SUCLG2: variants seen among roughly 807,000 people sequenced by gnomAD.
SUCLG2 encodes the protein succinate--CoA ligase [GDP-forming] subunit beta, mitochondrial.
Under a neutral mutation model 47.9 loss-of-function variants are expected in SUCLG2, and 42 were observed. The ratio of observed to expected loss-of-function variants is 0.88; its 90% CI spans 0.69 to 1.14. SUCLG2 has a LOEUF of 1.14. Ranked by LOEUF, SUCLG2 falls within the 50% of genes most tolerant of loss-of-function variation. The pLI is 0.00. For missense variants in SUCLG2, 571 were observed against 525.9 expected, an observed-to-expected ratio of 1.09 and a Z score of -0.84; for synonymous variants, 195 against 197.3, an observed-to-expected ratio of 0.99 and a Z score of 0.10.
chr3:67,506,116 C>G (rs559784713), intron 7 of SUCLG2, among the ~76,000 whole-genome samples: 9 of 152,278 alleles, frequency 5.9e-5, no homozygotes, highest in Admixed American at 2.6e-4. Flanking sequence ...TGTTCTGCTA[C>G]TACTGATCTA....
At chr3:67,502,280 T>C (rs2107079552) in intron 7 of SUCLG2, among the ~76,000 whole-genome samples, 1 of 152,344 alleles carries the variant, frequency 6.6e-6, no homozygotes, top group African/African-American at 2.4e-5. Flanking sequence ...AAAATGTTTG[T>C]TTTTCCCTAT....
At chr3:67,484,352 A>G (rs1228809470) in intron 9 of SUCLG2, among the ~76,000 whole-genome samples, 1 of 152,340 alleles carries the variant, frequency 6.6e-6, no homozygotes, top group East Asian at 1.9e-4. Flanking sequence ...AGGGCAACTC[A>G]TTGACTTATT....
At chr3:67,616,356 G>A (rs920870396) in intron 1 of SUCLG2, among the ~76,000 whole-genome samples, 3 of 152,116 alleles carry the variant, frequency 2.0e-5, no homozygotes, top group Admixed American at 6.5e-5. Flanking sequence ...GCAAGCTGCA[G>A]AACAATACAT....
At chr3:67,450,135 G>A (rs2106934332) in intron 9 of SUCLG2, among the ~76,000 whole-genome samples, 1 of 152,166 alleles carries the variant, frequency 6.6e-6, no homozygotes, top group Middle Eastern at 3.4e-3. Context: ...TTGAACTCCT[G>A]GGCTCAAGCA....
intron 1 of SUCLG2, 46 bp from the exon 2 acceptor site, chr3:67,609,642 G>C (rs1250571182): frequency 6.3e-7 from 1 of 1,581,564 alleles, no homozygotes; most frequent in Non-Finnish European, 8.6e-7. Context: ...TTAATAGCAA[G>C]AAAAATAAAA....
intron 9 of SUCLG2, among the ~76,000 whole-genome samples, chr3:67,475,693 C>T (rs1704730326): frequency 6.6e-6 from 1 of 151,892 alleles, no homozygotes. Context: ...GCTTCCGCTG[C>T]CCCATAATTG....
chr3:67,547,720 C>CGAATCAACTAAATTTTCAT (rs1269424494), intron 2 of SUCLG2, among the ~76,000 whole-genome samples: 1 of 152,138 alleles, frequency 6.6e-6, no homozygotes, highest in African/African-American at 2.4e-5. Flanking sequence ...ACAATTTTCA[C>CGAATCAACTAAATTTTCAT]GAATCAACTA....
chr3:67,407,872 G>A (rs1276589819), intron 9 of SUCLG2, among the ~76,000 whole-genome samples: 1 of 152,036 alleles, frequency 6.6e-6, no homozygotes, highest in African/African-American at 2.4e-5. Context: ...TTATTTTCCT[G>A]ATGAATTCTA....
chr3:67,452,691 C>A (rs1464635320), intron 9 of SUCLG2, among the ~76,000 whole-genome samples: 2 of 152,154 alleles, frequency 1.3e-5, no homozygotes, highest in Non-Finnish European at 2.9e-5. Context: ...TATTGAGCAT[C>A]TAGCAAGTAG....
At chr3:67,643,033 T>C (rs903407100) in intron 1 of SUCLG2, among the ~76,000 whole-genome samples, 4 of 152,098 alleles carry the variant, frequency 2.6e-5, no homozygotes, top group Non-Finnish European at 5.9e-5. Context: ...GCTACTGGGA[T>C]GGGCATCTGC....
At chr3:67,481,216 T>C (rs1349884629) in intron 9 of SUCLG2, among the ~76,000 whole-genome samples, 1 of 152,230 alleles carries the variant, frequency 6.6e-6, no homozygotes, top group Non-Finnish European at 1.5e-5. Flanking sequence ...AATACAAGTT[T>C]CTAAATGCTT....
At chr3:67,449,060 AG>A (rs1447476785) in intron 9 of SUCLG2, among the ~76,000 whole-genome samples, 1 of 152,202 alleles carries the variant, frequency 6.6e-6, no homozygotes, top group Non-Finnish European at 1.5e-5. Context: ...TATATAAGTG[AG>A]GTATTTTATG....
At chr3:67,418,517 A>G (rs1300766114) in intron 9 of SUCLG2, among the ~76,000 whole-genome samples, 2 of 152,178 alleles carry the variant, frequency 1.3e-5, no homozygotes, top group African/African-American at 2.4e-5. Context: ...CAGTAAGGCA[A>G]CTTCCTAATC....
At chr3:67,619,273 C>A (rs1162242399) in intron 1 of SUCLG2, among the ~76,000 whole-genome samples, 1 of 152,118 alleles carries the variant, frequency 6.6e-6, no homozygotes, top group African/African-American at 2.4e-5. Context: ...GTGAGATTCT[C>A]CAATTAAAGG....
intron 9 of SUCLG2, among the ~76,000 whole-genome samples, chr3:67,437,704 G>T (rs1703657974): frequency 6.6e-6 from 1 of 151,964 alleles, no homozygotes; most frequent in African/African-American, 2.4e-5. Flanking sequence ...ATGGATTTAG[G>T]TGGGGAGAAT....
chr3:67,579,416 A>G (rs1173295394), intron 2 of SUCLG2, among the ~76,000 whole-genome samples: 5 of 152,198 alleles, frequency 3.3e-5, no homozygotes, highest in African/African-American at 1.2e-4. Flanking sequence ...CTAACACAGT[A>G]ATCATAGGCT....
intron 6 of SUCLG2, among the ~76,000 whole-genome samples, chr3:67,509,297 T>C (rs1340201036): frequency 1.3e-5 from 2 of 152,234 alleles, no homozygotes; most frequent in African/African-American, 2.4e-5. Context: ...GTTTTCCTTA[T>C]TGTGCTGAAA....
At chr3:67,589,445 C>T (rs904858106) in intron 2 of SUCLG2, among the ~76,000 whole-genome samples, 1 of 152,280 alleles carries the variant, frequency 6.6e-6, no homozygotes, top group East Asian at 1.9e-4. Flanking sequence ...ATTAAACTGA[C>T]TAATAATGTG....
intron 9 of SUCLG2, among the ~76,000 whole-genome samples, chr3:67,446,395 A>T (rs1575702119): frequency 7.3e-6 from 1 of 136,626 alleles, no homozygotes; most frequent in African/African-American, 2.7e-5. Context: ...TCTCTCCGGT[A>T]TCTAAATATG....
Sources: gnomAD v4.1 joint callset for allele counts (sites outside exome capture counted in the v4.1 genomes callset) on GRCh38, gnomAD v4.1.1 for gene constraint, MANE v1.5 for transcripts, NCBI Gene and HGNC (gene_info 2026-07-23, HGNC 2026-07-21) for gene names.